The following GPHN variants were observed in gnomAD, a reference collection of about 807,000 sequenced individuals.
GPHN encodes the protein gephyrin.
In GPHN, 17 loss-of-function variants were observed where a neutral mutation model predicts 95.5. That is an observed-to-expected ratio of 0.18 (90% CI 0.12 to 0.27). The LOEUF is 0.27. GPHN is among the 10% of genes least tolerant of loss of function. The pLI is 1.00. For missense variants in GPHN, 660 were observed against 978.1 expected, an observed-to-expected ratio of 0.67 and a Z score of 4.34; for synonymous variants, 320 against 322.5, an observed-to-expected ratio of 0.99 and a Z score of 0.08.
At chr14:66,629,241 A>ATATTT (rs1566729731) in intron 1 of GPHN, among the ~76,000 whole-genome samples, 1 of 146,544 alleles carries the variant, frequency 6.8e-6, no homozygotes, top group African/African-American at 2.5e-5. Context: ...ATATAAATAT[A>ATATTT]AAACACACGT....
At chr14:66,665,717 A>G (rs935243081) in intron 1 of GPHN, among the ~76,000 whole-genome samples, 14 of 152,240 alleles carry the variant, frequency 9.2e-5, no homozygotes, top group Non-Finnish European at 1.6e-4. Context: ...CTAGAACTAG[A>G]AATACCATGT....
At chr14:66,509,202 G>T (rs2057929353) in intron 1 of GPHN, 1 of 154,192 alleles carries the variant, frequency 6.5e-6, no homozygotes, top group Non-Finnish European at 1.4e-5. Flanking sequence ...ATCGGCTTGC[G>T]TCCGGACCTC....
Position 67,120,621 on chromosome 14 carries a change from G to GA in GPHN, c.1627-1628dup, listed in dbSNP as rs1432907948. On this transcript the variant is annotated intron_variant, in intron 16 of 22. Coordinates refer to ENST00000478722, the MANE Select transcript of GPHN (RefSeq NM_020806.5). ...TAGTTCGTGGTCAATACCCTGCTTT[G>GA]AAAAAAATGATATAATCACACATTT... Among the ~76,000 whole-genome samples, 3 of 152,002 alleles carry GA rather than the reference G, an allele frequency of 2.0e-5. 1 individual carries two copies. The highest frequency in any genetic ancestry group is 4.8e-5 in the African/African-American group (2 of 41,392).
At chr14:67,321,662 T>C in the GPHN span, among the ~76,000 whole-genome samples, 1 of 152,196 alleles carries the variant, frequency 6.6e-6, no homozygotes, top group Non-Finnish European at 1.5e-5. Context: ...CCTGGGGATA[T>C]TGAATAAACT....
At chr14:67,202,426 C>T in the GPHN span, among the ~76,000 whole-genome samples, 37 of 152,100 alleles carry the variant, frequency 2.4e-4, no homozygotes, top group South Asian at 2.3e-3. Flanking sequence ...GGCAACAGAA[C>T]GAGACTGCAC....
intron 20 of GPHN, among the ~76,000 whole-genome samples, chr14:67,166,810 T>C (rs2082305485): frequency 6.6e-6 from 1 of 152,094 alleles, no homozygotes; most frequent in African/African-American, 2.4e-5. Flanking sequence ...GCTGGGACTA[T>C]AGGCGCTTGC....
At chr14:66,991,236 T>C (rs1028840332) in intron 9 of GPHN, among the ~76,000 whole-genome samples, 15 of 152,138 alleles carry the variant, frequency 9.9e-5, no homozygotes. Context: ...TTAGTAATTT[T>C]AGTAATAATA....
intron 2 of GPHN, among the ~76,000 whole-genome samples, chr14:66,775,987 T>C (rs1297023027): frequency 1.3e-5 from 2 of 152,160 alleles, no homozygotes; most frequent in Non-Finnish European, 2.9e-5. Flanking sequence ...GTCACACTAA[T>C]GCAAGATGTT....
the GPHN span, among the ~76,000 whole-genome samples, chr14:67,298,826 T>A: frequency 6.6e-6 from 1 of 152,312 alleles, no homozygotes; most frequent in South Asian, 2.1e-4. Flanking sequence ...GCGATGACAA[T>A]CACCTCTTTC....
intron 20 of GPHN, among the ~76,000 whole-genome samples, chr14:67,166,933 T>C (rs1220387127): frequency 6.6e-6 from 1 of 152,210 alleles, no homozygotes; most frequent in Non-Finnish European, 1.5e-5. Context: ...CGTCCCAAAG[T>C]TTTGGGATTA....
At chr14:66,797,884 G>A (rs1024720950) in intron 3 of GPHN, among the ~76,000 whole-genome samples, 1 of 151,902 alleles carries the variant, frequency 6.6e-6, no homozygotes, top group Non-Finnish European at 1.5e-5. Flanking sequence ...ATGACAATGG[G>A]CATACTGGTC....
chr14:67,088,902 A>T (rs567293859), intron 11 of GPHN, 81 bp from the exon 12 acceptor site: 308 of 793,556 alleles, frequency 3.9e-4, no homozygotes, highest in Non-Finnish European at 6.5e-4. Flanking sequence ...TCAGACAAGC[A>T]CTCATGCCCA....
chr14:66,521,405 T>TG (rs2058479792), intron 1 of GPHN, among the ~76,000 whole-genome samples: 1 of 151,978 alleles, frequency 6.6e-6, no homozygotes, highest in African/African-American at 2.4e-5. Flanking sequence ...TCCTTGGGAG[T>TG]GGGGATACTA....
chr14:66,965,547 A>G (rs2069264188), intron 9 of GPHN, among the ~76,000 whole-genome samples: 1 of 152,180 alleles, frequency 6.6e-6, no homozygotes, highest in Non-Finnish European at 1.5e-5. Context: ...CTCCTACATC[A>G]TAGCTAAGGG....
chr14:66,911,473 A>G (rs2065671938), intron 5 of GPHN, among the ~76,000 whole-genome samples: 1 of 152,038 alleles, frequency 6.6e-6, no homozygotes, highest in Non-Finnish European at 1.5e-5. Context: ...AGAATGTTTT[A>G]AAATTCAGGA....
the GPHN span, among the ~76,000 whole-genome samples, chr14:67,635,797 A>G: frequency 0.017 from 2,647 of 152,296 alleles, 83 homozygotes; most frequent in African/African-American, 0.06. Context: ...GGTTGCAGTG[A>G]GCCAAGATCA....
At chr14:67,039,411 A>G (rs2074585793) in intron 10 of GPHN, among the ~76,000 whole-genome samples, 1 of 152,182 alleles carries the variant, frequency 6.6e-6, no homozygotes, top group African/African-American at 2.4e-5. Flanking sequence ...AAGCATACAC[A>G]TAGTCTGTTA....
chr14:67,620,835 A>G, the GPHN span: 34 of 1,580,114 alleles, frequency 2.2e-5, no homozygotes, highest in Non-Finnish European at 2.9e-5. Flanking sequence ...AAATGTACCA[A>G]ATGGGTTTTT....
chr14:67,023,797 A>G (rs924435686), intron 10 of GPHN, 122 bp downstream of exon 10: 15 of 790,100 alleles, frequency 1.9e-5, no homozygotes, highest in Non-Finnish European at 2.6e-5. Flanking sequence ...TATGAATATT[A>G]GGGCTTTTAC....
Sources: allele counts gnomAD v4.1 joint callset (sites outside exome capture counted in the v4.1 genomes callset), GRCh38; gene constraint gnomAD v4.1.1; transcripts MANE v1.5; gene names NCBI Gene and HGNC (gene_info 2026-07-23, HGNC 2026-07-21).